Variants in METTL24 observed in about 807,000 individuals in gnomAD.
METTL24 encodes the protein probable methyltransferase-like protein 24.
METTL24 carries 29 observed loss-of-function variants against 32.7 expected under a neutral mutation model. The ratio of observed to expected loss-of-function variants is 0.89; its 90% CI spans 0.66 to 1.21. The LOEUF is 1.21. Among genes scored for constraint, METTL24 ranks in the 50% most tolerant of loss-of-function variants. The pLI, the probability that METTL24 is intolerant of heterozygous loss-of-function variation, is 0.00. For missense variants in METTL24, 439 were observed against 468.1 expected, an observed-to-expected ratio of 0.94 and a Z score of 0.57; for synonymous variants, 163 against 179.5, an observed-to-expected ratio of 0.91 and a Z score of 0.73.
At chr6:110,332,056 C>A (rs1772119489) in intron 1 of METTL24, among the ~76,000 whole-genome samples, 1 of 152,196 alleles carries the variant, frequency 6.6e-6, no homozygotes, top group Non-Finnish European at 1.5e-5. Flanking sequence ...CGCCAATCTG[C>A]CGCCTCTGCA....
intron 4 of METTL24, among the ~76,000 whole-genome samples, chr6:110,274,869 G>A (rs118083997): frequency 0.028 from 4,085 of 144,798 alleles, 71 homozygotes; most frequent in Middle Eastern, 0.05. Context: ...CGCCATCTTG[G>A]CTCACTACAA....
At chr6:110,315,266 C>T in intron 3 of METTL24, 76 bp downstream of exon 3, 2 of 1,541,704 alleles carry the variant, frequency 1.3e-6, no homozygotes, top group Non-Finnish European at 1.8e-6. Context: ...CCATTTCTAA[C>T]TTTGTATTGC....
At chr6:110,331,606 A>G (rs1202008478) in intron 1 of METTL24, among the ~76,000 whole-genome samples, 1 of 140,394 alleles carries the variant, frequency 7.1e-6, no homozygotes, top group African/African-American at 2.7e-5. Context: ...GGCTGCAGTG[A>G]GTCATGCTGT....
intron 1 of METTL24, among the ~76,000 whole-genome samples, chr6:110,332,897 A>G (rs897716468): frequency 1.3e-5 from 2 of 151,538 alleles, no homozygotes; most frequent in Non-Finnish European, 2.9e-5. Context: ...CAACAGAAGG[A>G]CAACATTTAT....
chr6:110,305,154 G>A (rs1263566005), intron 3 of METTL24, among the ~76,000 whole-genome samples: 3 of 152,036 alleles, frequency 2.0e-5, no homozygotes, highest in Admixed American at 6.6e-5. Flanking sequence ...AGCTCCTAAA[G>A]GAAGCATTAA....
At chr6:110,319,451 A>AGAT (rs1363673365) in intron 2 of METTL24, among the ~76,000 whole-genome samples, 2 of 148,764 alleles carry the variant, frequency 1.3e-5, no homozygotes, top group African/African-American at 2.6e-5. Flanking sequence ...ATAGATAGAT[A>AGAT]GATAGATAGA....
chr6:110,308,126 A>C (rs1771656851), intron 3 of METTL24, among the ~76,000 whole-genome samples: 1 of 152,196 alleles, frequency 6.6e-6, no homozygotes, highest in African/African-American at 2.4e-5. Context: ...TGCACTGAAC[A>C]ACTCTGGGAG....
intron 1 of METTL24, among the ~76,000 whole-genome samples, chr6:110,330,646 C>T (rs1772096385): frequency 6.6e-6 from 1 of 152,142 alleles, no homozygotes; most frequent in Non-Finnish European, 1.5e-5. Flanking sequence ...TGCCCAAGCC[C>T]CAGACTGGCC....
At chr6:110,299,863 G>A (rs747341314) in intron 3 of METTL24, among the ~76,000 whole-genome samples, 3 of 152,114 alleles carry the variant, frequency 2.0e-5, no homozygotes, top group Admixed American at 6.5e-5. Context: ...TGCAAGGATC[G>A]TCACTTTGAT....
intron 4 of METTL24, among the ~76,000 whole-genome samples, chr6:110,258,220 G>C (rs1019593657): frequency 1.3e-5 from 2 of 152,208 alleles, no homozygotes; most frequent in Non-Finnish European, 2.9e-5. Context: ...TGTGCCTTCT[G>C]TGAATAACAG....
chr6:110,259,535 TG>T (rs1778450492), intron 4 of METTL24, among the ~76,000 whole-genome samples: 1 of 152,212 alleles, frequency 6.6e-6, no homozygotes, highest in Admixed American at 6.5e-5. Flanking sequence ...ACTCCACCTC[TG>T]GGGGCAGGGC....
chr6:110,267,532 T>C (rs1770878093), intron 4 of METTL24, among the ~76,000 whole-genome samples: 2 of 152,238 alleles, frequency 1.3e-5, no homozygotes, highest in Non-Finnish European at 2.9e-5. Flanking sequence ...TCTCACTGGA[T>C]ATTGTTGAAA....
intron 2 of METTL24, among the ~76,000 whole-genome samples, chr6:110,316,075 T>G (rs958266488): frequency 4.6e-5 from 7 of 151,972 alleles, no homozygotes; most frequent in Non-Finnish European, 8.8e-5. Context: ...ATGGGTCAAG[T>G]GAAAGTAATA....
chr6:110,245,948 A>G lies in METTL24; in HGVS notation c.1099T>C (p.Ter367GlnextTer37), dbSNP rs750887941. ...TGCTCTTGATGACATCCTGCATCCT[A>G]TTTCCATCTTGTATTCACCCAACTC... is the stretch of plus-strand genomic sequence containing the variant. ...TLSWVNTRWK[*>Q] is the part of the protein sequence containing the mutation. Residue 367 changes from the stop codon to glutamine, a stop_lost, in exon 5 of 5, where the codon TAG (stop) becomes CAG (glutamine). Coordinates refer to ENST00000338882, the MANE Select transcript of METTL24 (RefSeq NM_001123364.3). 6.8e-6 allele frequency: 11 copies of G among 1,606,796 alleles called. No individual in the cohort carries two copies. Among genetic ancestry groups the G allele is most frequent in the Admixed American group, 6.7e-5 (4 of 59,432 alleles).
intron 4 of METTL24, among the ~76,000 whole-genome samples, chr6:110,261,766 A>C (rs1320999652): frequency 5.9e-5 from 9 of 152,202 alleles, no homozygotes; most frequent in African/African-American, 1.9e-4. Flanking sequence ...AACAAAGTGT[A>C]TCTCAGACCA....
At position 110,271,608 on chromosome 6, in the gene METTL24, A is replaced by G. The variant is rs531418770; in HGVS notation, c.787-25348T>C. Among the ~76,000 whole-genome samples the G allele has an allele frequency of 2.0e-5, 3 of 152,340 alleles. No homozygotes were observed. The South Asian group carries it at 6.2e-4, about 32-fold the overall frequency. ...TTTGAACTTAAAACAGTTCACAGGG[A>G]AGGATCAACAAAAGCGAGTCCATAG... On this transcript the variant is annotated intron_variant, in intron 4 of 4. Coordinates refer to ENST00000338882, the MANE Select transcript of METTL24 (RefSeq NM_001123364.3).
chr6:110,357,857 C>T, intron 1 of METTL24, 98 bp downstream of exon 1: 1 of 590,116 alleles, frequency 1.7e-6, no homozygotes, highest in Non-Finnish European at 2.3e-6. Flanking sequence ...CCGGAGGTCC[C>T]ATCGAGGCGG....
At chr6:110,339,192 C>G (rs1020240593) in intron 1 of METTL24, among the ~76,000 whole-genome samples, 2 of 152,208 alleles carry the variant, frequency 1.3e-5, no homozygotes, top group African/African-American at 4.8e-5. Flanking sequence ...TACAAGCACT[C>G]TTAATCTGTC....
intron 4 of METTL24, among the ~76,000 whole-genome samples, chr6:110,250,744 G>A (rs1001802900): frequency 2.0e-5 from 3 of 152,106 alleles, no homozygotes; most frequent in Non-Finnish European, 4.4e-5. Context: ...CTCTGACCTC[G>A]CCAAGTGCCA....
Sources: gnomAD v4.1 joint callset for allele counts (sites outside exome capture counted in the v4.1 genomes callset) on GRCh38, gnomAD v4.1.1 for gene constraint, MANE v1.5 for transcripts, NCBI Gene and HGNC (gene_info 2026-07-23, HGNC 2026-07-21) for gene names.